The following HECW2 variants were observed in gnomAD, a reference collection of about 807,000 sequenced individuals.
The protein encoded by HECW2 is HECT, C2 and WW domain containing E3 ubiquitin protein ligase 2.
HECW2 carries 61 observed loss-of-function variants against 175.2 expected under a neutral mutation model. That is an observed-to-expected ratio of 0.35 (90% CI 0.28 to 0.43). The LOEUF (loss-of-function observed/expected upper bound fraction) is 0.43, where lower values mean the gene tolerates loss of function less well. Ranked by LOEUF, HECW2 falls within the 20% of genes least tolerant of loss-of-function variation. The pLI, the probability that HECW2 is intolerant of heterozygous loss-of-function variation, is 1.00. For synonymous variants in HECW2, 671 were observed against 731.0 expected, an observed-to-expected ratio of 0.92 and a Z score of 1.32; for missense variants, 1,524 against 2,000.5, an observed-to-expected ratio of 0.76 and a Z score of 4.54.
At chr2:196,361,744 C>A in intron 2 of HECW2, 1 of 961,462 alleles carries the variant, frequency 1.0e-6, no homozygotes, top group Non-Finnish European at 1.2e-6. Context: ...AACTGTAAAT[C>A]CCAAACAGCT....
intron 1 of HECW2, among the ~76,000 whole-genome samples, chr2:196,577,003 A>G (rs1690585696): frequency 6.6e-6 from 1 of 152,234 alleles, no homozygotes; most frequent in Admixed American, 6.5e-5. Context: ...AGACTCTTCA[A>G]CAAAGTTATG....
intron 10 of HECW2, among the ~76,000 whole-genome samples, chr2:196,309,205 T>TA (rs1476350415): frequency 1.3e-5 from 2 of 152,276 alleles, no homozygotes; most frequent in Admixed American, 1.3e-4. Flanking sequence ...ACCTGCATGG[T>TA]AGAGCTCAGC....
intron 1 of HECW2, among the ~76,000 whole-genome samples, chr2:196,576,666 A>G (rs1473916362): frequency 6.6e-6 from 1 of 152,222 alleles, no homozygotes; most frequent in Non-Finnish European, 1.5e-5. Flanking sequence ...GGCAACACTA[A>G]TTGTATACTT....
intron 1 of HECW2, among the ~76,000 whole-genome samples, chr2:196,481,149 G>T (rs1686830838): frequency 6.6e-6 from 1 of 152,222 alleles, no homozygotes. Context: ...GACTGCTTAA[G>T]TACTAGTGGC....
rs951909576 is a variant in HECW2 at position 196,197,157 on chromosome 2, G to A, written c.*4120C>T. 15 of 151,990 alleles carry A rather than the reference G, an allele frequency of 9.9e-5. No individual in the cohort carries two copies. The highest frequency in any genetic ancestry group is 3.4e-4 in the African/African-American group (14 of 41,366). 9.4% of individuals were successfully genotyped at this position (151,990 alleles called of 1,614,324 possible). ...ATTAGACCACATTCTTCTTATGCATGTTTTTATTATGCAGGGTTACAGATA... is the reference window on the plus strand; with the variant it reads ...ATTAGACCACATTCTTCTTATGCATATTTTTATTATGCAGGGTTACAGATA... On this transcript the variant is annotated 3_prime_UTR_variant, in exon 29 of 29. Coordinates refer to ENST00000644978, the MANE Select transcript of HECW2 (RefSeq NM_001348768.2).
chr2:196,329,171 A>G (rs1238516080), intron 5 of HECW2, among the ~76,000 whole-genome samples: 4 of 152,142 alleles, frequency 2.6e-5, no homozygotes, highest in Non-Finnish European at 5.9e-5. Flanking sequence ...CCACTTTCCA[A>G]TTTGCATGTG....
At chr2:196,512,635 C>T (rs1687993900) in intron 1 of HECW2, among the ~76,000 whole-genome samples, 1 of 152,032 alleles carries the variant, frequency 6.6e-6, no homozygotes, top group Admixed American at 6.5e-5. Flanking sequence ...AGCAATCCTA[C>T]CGCAACCTCT....
intron 1 of HECW2, among the ~76,000 whole-genome samples, chr2:196,459,587 C>G (rs980268762): frequency 1.3e-5 from 2 of 152,056 alleles, no homozygotes; most frequent in African/African-American, 4.8e-5. Flanking sequence ...CCCTCCATAA[C>G]CAACATTAGG....
chr2:196,220,717 C>A (rs1261935759), intron 25 of HECW2, 78 bp downstream of exon 25: 3 of 1,427,394 alleles, frequency 2.1e-6, no homozygotes, highest in Non-Finnish European at 2.0e-6. Context: ...ATAGTCTACA[C>A]ATGTAAAGTA....
chr2:196,477,529 G>A (rs974605253), intron 1 of HECW2, among the ~76,000 whole-genome samples: 1 of 152,138 alleles, frequency 6.6e-6, no homozygotes, highest in African/African-American at 2.4e-5. Context: ...TGTCACAGGG[G>A]ATTTCATTTT....
intron 13 of HECW2, among the ~76,000 whole-genome samples, chr2:196,293,611 A>C (rs1690689147): frequency 6.6e-6 from 1 of 152,186 alleles, no homozygotes; most frequent in Admixed American, 6.5e-5. Context: ...TAATTTACTA[A>C]AGAACAAACA....
chr2:196,522,546 C>T (rs925550951), intron 1 of HECW2, among the ~76,000 whole-genome samples: 1 of 151,976 alleles, frequency 6.6e-6, no homozygotes, highest in Non-Finnish European at 1.5e-5. Flanking sequence ...GACATGAAGT[C>T]CTTGCCCATG....
At chr2:196,296,222 G>C (rs564458855) in intron 13 of HECW2, among the ~76,000 whole-genome samples, 8 of 152,002 alleles carry the variant, frequency 5.3e-5, no homozygotes, top group Non-Finnish European at 1.0e-4. Flanking sequence ...ACTTCATATA[G>C]AACTACAGTG....
At chr2:196,309,781 C>A (rs1309507707) in intron 10 of HECW2, among the ~76,000 whole-genome samples, 2 of 152,130 alleles carry the variant, frequency 1.3e-5, no homozygotes, top group Non-Finnish European at 2.9e-5. Context: ...AAAATAGAGA[C>A]CAACTAGACC....
intron 1 of HECW2, among the ~76,000 whole-genome samples, chr2:196,559,148 C>T (rs1231283312): frequency 6.6e-6 from 1 of 152,162 alleles, no homozygotes; most frequent in Non-Finnish European, 1.5e-5. Context: ...ATTAGAAACA[C>T]AATGTTCTTT....
At chr2:196,398,207 C>T (rs1249171450) in intron 2 of HECW2, among the ~76,000 whole-genome samples, 1 of 151,966 alleles carries the variant, frequency 6.6e-6, no homozygotes, top group Non-Finnish European at 1.5e-5. Context: ...TGAAAATAAT[C>T]TTAGCTAAAT....
At chr2:196,317,511 C>A in intron 9 of HECW2, 142 bp from the exon 10 acceptor site, 1 of 654,970 alleles carries the variant, frequency 1.5e-6, no homozygotes, top group Non-Finnish European at 2.7e-6. Context: ...GACCTAGAAA[C>A]AAAAGAAGAG....
chr2:196,380,102 T>A (rs1452419135), intron 2 of HECW2, among the ~76,000 whole-genome samples: 1 of 152,206 alleles, frequency 6.6e-6, no homozygotes, highest in Non-Finnish European at 1.5e-5. Context: ...TAGAAGTTCA[T>A]AGGGGTGAAG....
At chr2:196,312,418 T>C (rs1274790076) in intron 10 of HECW2, among the ~76,000 whole-genome samples, 4 of 152,326 alleles carry the variant, frequency 2.6e-5, no homozygotes, top group Admixed American at 2.6e-4. Flanking sequence ...AAAGGTACTT[T>C]CAAGGAAAAT....
Sources: gnomAD v4.1 joint callset for allele counts (sites outside exome capture counted in the v4.1 genomes callset) on GRCh38, gnomAD v4.1.1 for gene constraint, MANE v1.5 for transcripts, NCBI Gene and HGNC (gene_info 2026-07-23, HGNC 2026-07-21) for gene names.